ZNF596: variants seen among roughly 807,000 people sequenced by gnomAD.
The protein encoded by ZNF596 is zinc finger protein 596.
In ZNF596, 45 loss-of-function variants were observed where a neutral mutation model predicts 48.3. The ratio of observed to expected loss-of-function variants is 0.93; its 90% CI spans 0.73 to 1.19. The LOEUF (loss-of-function observed/expected upper bound fraction) is 1.19, where lower values mean the gene tolerates loss of function less well. Among genes scored for constraint, ZNF596 ranks in the 50% most tolerant of loss-of-function variants. The probability of loss-of-function intolerance (pLI) is 0.00; values close to 1 mark genes in which losing one functional copy is unlikely to be tolerated. For synonymous variants in ZNF596, 270 were observed against 202.0 expected (o/e 1.34, Z -2.85); for missense variants, 848 against 599.7 (o/e 1.41, Z -4.32).
At chr8:234,903 C>G (rs1330082250) in intron 1 of ZNF596, 2 of 152,048 alleles carry the variant, frequency 1.3e-5, no homozygotes, top group Non-Finnish European at 2.9e-5. Context: ...CTTTGTTGAC[C>G]ATGATTAGAG....
rs1248197147 is a variant in ZNF596, at chr8:232,625, G to A, written c.-142G>A. 2.9e-6 allele frequency: 1 copy of A among 341,410 alleles called. No homozygotes were observed. The highest frequency in any genetic ancestry group is 6.0e-6 in the Non-Finnish European group (1 of 166,274). The allele number at this position is 341,410 out of a possible 1,614,324, so 21.1% of individuals were successfully genotyped here. On this transcript the variant is annotated 5_prime_UTR_variant, in exon 1 of 6. Coordinates refer to ENST00000398612, the MANE Select transcript of ZNF596 (RefSeq NM_001042416.3). ...GTCTGTGTCCGGTTCCGTCACTGAGGTCGCCCCTGTCCGGCCCTTCCACCC... is the reference window on the plus strand; with the variant it reads ...GTCTGTGTCCGGTTCCGTCACTGAGATCGCCCCTGTCCGGCCCTTCCACCC...
At chr8:238,670 G>A (rs1396021380) in intron 1 of ZNF596, among the ~76,000 whole-genome samples, 1 of 150,136 alleles carries the variant, frequency 6.7e-6, no homozygotes, top group African/African-American at 2.5e-5. Flanking sequence ...AGCTGGTCGT[G>A]GTGACGGGCA....
In ZNF596 at chr8:246,966, AT is replaced by A; in HGVS notation, c.*606del. 1 of 152,724 alleles carries A rather than the reference AT, an allele frequency of 6.5e-6. No individual in the cohort carries two copies. The highest frequency in any genetic ancestry group is 1.5e-5 in the Non-Finnish European group (1 of 68,452). The allele number at this position is 152,724 out of a possible 1,614,324, so 9.5% of individuals were successfully genotyped here. A position where few individuals can be genotyped will look rare whatever the true frequency, so the allele number is the denominator to read the frequency against. ...AGCAGCACTTCTATAATAGATCAGA[AT>A]TCACATGGTGTAGAACTCTCAATGA... On this transcript the variant is annotated 3_prime_UTR_variant, in exon 6 of 6. Transcript: ENST00000398612.
intron 4 of ZNF596, 46 bp downstream of exon 4, chr8:243,851 G>C (rs1456172768): frequency 1.3e-6 from 2 of 1,520,126 alleles, no homozygotes; most frequent in Middle Eastern, 1.7e-4. Flanking sequence ...GAGAAACATG[G>C]CCAGTGAGTG....
At position 232,638 on chromosome 8, in the gene ZNF596, G is replaced by C. The variant is rs1239012967; in HGVS notation, c.-129G>C. On this transcript the variant is annotated 5_prime_UTR_variant, in exon 1 of 6. Transcript: ENST00000398612. ...TCCGTCACTGAGGTCGCCCCTGTCC[G>C]GCCCTTCCACCCTAGTTCTCTTCAC... is the stretch of plus-strand genomic sequence containing the variant. The C allele has an allele frequency of 2.8e-6, 1 of 352,450 alleles. No homozygotes were observed. The highest frequency in any genetic ancestry group is 4.2e-5 in the Admixed American group (1 of 23,878). 21.8% of individuals were successfully genotyped at this position (352,450 alleles called of 1,614,324 possible).
At position 243,807 on chromosome 8, in the gene ZNF596, T is replaced by C. The variant is rs558989606; in HGVS notation, c.223+2T>C. The C allele has an allele frequency of 5.6e-6, 9 of 1,612,424 alleles. No individual in the cohort carries two copies. The highest frequency in any genetic ancestry group is 1.7e-5 in the Admixed American group (1 of 59,972). Reference sequence around the variant, plus strand: ...CACAAAGAATAAGCTTACTGCAAGGTGAGCTCTAAGAAGCAGTGCTTCAAT... The same window carrying C: ...CACAAAGAATAAGCTTACTGCAAGGCGAGCTCTAAGAAGCAGTGCTTCAAT... On this transcript the variant is annotated splice_donor_variant, in intron 4 of 5. Coordinates refer to ENST00000398612, the MANE Select transcript of ZNF596 (RefSeq NM_001042416.3). LOFTEE classifies it high-confidence loss of function.
intron 4 of ZNF596, chr8:244,386 GTCC>G: frequency 3.8e-6 from 2 of 531,204 alleles, no homozygotes; most frequent in Non-Finnish European, 6.6e-6. Context: ...CTTTATAATG[GTCC>G]TCTTCTTTGA....
In ZNF596 at chr8:244,608, A is replaced by G; in HGVS notation, c.224-11A>G. 1.3e-6 allele frequency: 2 copies of G among 1,577,530 alleles called. No individual in the cohort carries two copies. The highest frequency in any genetic ancestry group is 1.7e-6 in the Non-Finnish European group (2 of 1,161,492). ...GCCTATATAGCATCTTTTTTTTTTC[A>G]TTTATTTCAGGTAGAGAAGTTGGCA... is the stretch of plus-strand genomic sequence containing the variant. On this transcript the variant is annotated splice_polypyrimidine_tract_variant and intron_variant, in intron 4 of 5. Coordinates refer to ENST00000398612, the MANE Select transcript of ZNF596 (RefSeq NM_001042416.3).
chr8:237,359 T>A (rs1420788351), intron 1 of ZNF596: 1 of 152,166 alleles, frequency 6.6e-6, no homozygotes, highest in African/African-American at 2.4e-5. Context: ...GTACTGAATT[T>A]GTAACAATTT....
chr8:237,303 TTTA>T (rs1260649926), intron 1 of ZNF596: 1 of 152,140 alleles, frequency 6.6e-6, no homozygotes, highest in Non-Finnish European at 1.5e-5. Flanking sequence ...ATTACATTAT[TTTA>T]TTATTTATTA....
At chr8:243,428 T>G (rs910667225) in intron 3 of ZNF596, 1 of 333,792 alleles carries the variant, frequency 3.0e-6, no homozygotes, top group Non-Finnish European at 5.5e-6. Flanking sequence ...TAATATAATG[T>G]CAAATACTAT....
intron 1 of ZNF596, chr8:240,557 T>A (rs563542361): frequency 3.7e-6 from 1 of 273,960 alleles, no homozygotes; most frequent in African/African-American, 2.2e-5. Context: ...ATAGAAGGAA[T>A]TAAACATTTC....
chr8:233,073 A>G (rs1028192546), intron 1 of ZNF596: 3 of 468,126 alleles, frequency 6.4e-6, no homozygotes, highest in African/African-American at 2.1e-5. Flanking sequence ...GTGAGGAGAA[A>G]ACAGAGGAGG....
Position 245,649 on chromosome 8 carries a change from C to T in ZNF596, c.802C>T (p.Arg268Ter), listed in dbSNP as rs369015843. 100 of 1,613,690 alleles carry T rather than the reference C, an allele frequency of 6.2e-5. No individual in the cohort carries two copies. The highest frequency in any genetic ancestry group is 1.3e-4 in the East Asian group (6 of 44,852). The change falls in exon 6 of 6, where the codon CGA (arginine) becomes TGA (stop). Residue 268 changes from arginine (R) to a stop codon, truncating the protein, a stop_gained. Coordinates refer to ENST00000398612, the MANE Select transcript of ZNF596 (RefSeq NM_001042416.3). LOFTEE classifies it high-confidence loss of function. ...KAFSKSSNLR[R>*]HEMIHTREKA... ...CTTCAGTAAAAGTTCTAACCTTAGA[C>T]GACATGAGATGATTCACACTAGAGA... is the stretch of plus-strand genomic sequence containing the variant.
chr8:236,420 G>A (rs534419057), intron 1 of ZNF596, among the ~76,000 whole-genome samples: 1 of 152,016 alleles, frequency 6.6e-6, no homozygotes, highest in East Asian at 1.9e-4. Context: ...TTTCCCTCTT[G>A]TTTTGGTCCC....
In ZNF596 at chr8:245,593, A is replaced by C. The variant is rs1797039104; in HGVS notation, c.746A>C (p.Lys249Thr). The C allele has an allele frequency of 6.2e-7, 1 of 1,613,962 alleles. No homozygotes were observed. Among genetic ancestry groups the C allele is most frequent in the African/African-American group, 1.3e-5 (1 of 74,918 alleles). Residue 249 changes from lysine to threonine, a missense_variant, in exon 6 of 6, where the codon AAG becomes ACG. Physicochemically the swap from Lys to Thr is moderately conservative, Grantham distance 78. Transcript: ENST00000398612. ...CATGAGAGAACTCACACTGGAGAGA[A>C]GCCATATGGATGTCATCTATGTGGG... Reference protein sequence around the residue: ...RKHERTHTGEKPYGCHLCGKA... With the variant: ...RKHERTHTGETPYGCHLCGKA...
chr8:241,176 A>G (rs373368309), intron 2 of ZNF596, among the ~76,000 whole-genome samples: 1 of 152,206 alleles, frequency 6.6e-6, no homozygotes, highest in Non-Finnish European at 1.5e-5. Flanking sequence ...TCTCAGGGAA[A>G]TCATTCATTA....
intron 1 of ZNF596, among the ~76,000 whole-genome samples, chr8:238,112 G>A (rs753341619): frequency 3.7e-4 from 56 of 152,160 alleles, no homozygotes; most frequent in Non-Finnish European, 4.1e-4. Context: ...GATGCCTGTG[G>A]AGATTGAGAA....
At chr8:234,989 A>T (rs1796564752) in intron 1 of ZNF596, 1 of 152,230 alleles carries the variant, frequency 6.6e-6, no homozygotes, top group South Asian at 2.1e-4. Context: ...ATGAGAGGAA[A>T]TGTGTTCTGC....
Sources: allele counts gnomAD v4.1 joint callset (sites outside exome capture counted in the v4.1 genomes callset), GRCh38; gene constraint gnomAD v4.1.1; transcripts MANE v1.5; gene names NCBI Gene and HGNC (gene_info 2026-07-23, HGNC 2026-07-21).